MAML3: variants seen among roughly 807,000 people sequenced by gnomAD.
The protein encoded by MAML3 is mastermind like transcriptional coactivator 3, also known as mastermind-like protein 3.
A neutral mutation model predicts 101.9 loss-of-function variants in MAML3; 27 were observed. The ratio of observed to expected loss-of-function variants is 0.27; its 90% CI spans 0.20 to 0.37. The LOEUF is 0.37. Ranked by LOEUF, MAML3 falls within the 10% of genes least tolerant of loss-of-function variation. The pLI, the probability that MAML3 is intolerant of heterozygous loss-of-function variation, is 1.00. For missense variants in MAML3, 1,316 were observed against 1,444.9 expected (o/e 0.91, Z 1.45); for synonymous variants, 501 against 555.9 (o/e 0.90, Z 1.39).
intron 1 of MAML3, among the ~76,000 whole-genome samples, chr4:139,900,061 C>A (rs1207061106): frequency 1.7e-4 from 7 of 41,958 alleles, no homozygotes; most frequent in Admixed American, 6.1e-4. Flanking sequence ...ACCGCGGAGC[C>A]CCCAGCCCAG....
At chr4:139,767,310 G>C (rs1578590872) in intron 2 of MAML3, among the ~76,000 whole-genome samples, 1 of 152,166 alleles carries the variant, frequency 6.6e-6, no homozygotes, top group Non-Finnish European at 1.5e-5. Flanking sequence ...CAAATTGTGA[G>C]GGCCACATAC....
chr4:139,794,682 T>A (rs561120194), intron 2 of MAML3, among the ~76,000 whole-genome samples: 9 of 152,228 alleles, frequency 5.9e-5, no homozygotes, highest in Non-Finnish European at 1.2e-4. Flanking sequence ...ACTGGGAAAA[T>A]GCCAATCTCT....
rs77138455 is a variant in MAML3, at chr4:139,996,342, A to T, written c.469-105375T>A. Reference sequence around the variant, plus strand: ...CCCTGCTTTCTAGTTATCCTATCAAATAGTGAGAGTGGGGTATTGAAATCT... The same window carrying T: ...CCCTGCTTTCTAGTTATCCTATCAATTAGTGAGAGTGGGGTATTGAAATCT... On this transcript the variant is annotated intron_variant, in intron 1 of 4. Transcript: ENST00000509479. Among the ~76,000 whole-genome samples the T allele has an allele frequency of 2.6e-5, 4 of 152,186 alleles. No individual in the cohort carries two copies. The South Asian group carries it at 8.3e-4, about 31-fold the overall frequency.
intron 2 of MAML3, among the ~76,000 whole-genome samples, chr4:139,886,603 C>A (rs1384392841): frequency 6.6e-6 from 1 of 152,044 alleles, no homozygotes; most frequent in Non-Finnish European, 1.5e-5. Flanking sequence ...ATATTATGAG[C>A]ATTTCCATAT....
intron 1 of MAML3, among the ~76,000 whole-genome samples, chr4:139,973,779 G>A (rs1038933543): frequency 6.6e-6 from 1 of 152,128 alleles, no homozygotes; most frequent in Non-Finnish European, 1.5e-5. Context: ...TCTCTCCCTT[G>A]GAGACAAAGA....
At chr4:140,074,092 A>G (rs1300795431) in intron 1 of MAML3, among the ~76,000 whole-genome samples, 1 of 151,690 alleles carries the variant, frequency 6.6e-6, no homozygotes, top group African/African-American at 2.4e-5. Context: ...AGATTGTGCC[A>G]CTGCACTCCA....
intron 2 of MAML3, among the ~76,000 whole-genome samples, chr4:139,807,313 G>A (rs914874002): frequency 1.3e-5 from 2 of 152,016 alleles, no homozygotes; most frequent in Non-Finnish European, 2.9e-5. Context: ...GTATGTCTGA[G>A]TTTAGAACTC....
chr4:139,898,077 C>T (rs534638101), intron 1 of MAML3, among the ~76,000 whole-genome samples: 21 of 152,312 alleles, frequency 1.4e-4, no homozygotes, highest in African/African-American at 4.6e-4. Flanking sequence ...TCCTACAACT[C>T]CTGATGTTGG....
Position 139,802,660 on chromosome 4 carries a change from C to G in MAML3, c.2080-71993G>C, listed in dbSNP as rs151304948. Among the ~76,000 whole-genome samples the G allele has an allele frequency of 6.3e-3, 952 of 152,226 alleles. 41 individuals are homozygous for G. The highest frequency in any genetic ancestry group is 0.053 in the Admixed American group (812 of 15,302). On this transcript the variant is annotated intron_variant, in intron 2 of 4. Coordinates refer to ENST00000509479, the MANE Select transcript of MAML3 (RefSeq NM_018717.5). The stretch of plus-strand genomic sequence containing the variant: ...AGTGCCCCTGCAGTGGCACAGCCTT[C>G]CTGGTGAGGCTGCCTTGCAGCCTGT...
chr4:140,057,438 A>C (rs1024393300), intron 1 of MAML3, among the ~76,000 whole-genome samples: 2 of 152,194 alleles, frequency 1.3e-5, no homozygotes, highest in Non-Finnish European at 2.9e-5. Flanking sequence ...GGTCAGCAAA[A>C]GAATGTTCTA....
intron 1 of MAML3, among the ~76,000 whole-genome samples, chr4:139,932,862 G>A (rs986571737): frequency 6.6e-6 from 1 of 152,134 alleles, no homozygotes; most frequent in Admixed American, 6.6e-5. Context: ...TTTGTTCACA[G>A]CTGACTGAAC....
intron 1 of MAML3, among the ~76,000 whole-genome samples, chr4:140,021,127 C>A (rs1166843907): frequency 6.6e-6 from 1 of 152,074 alleles, no homozygotes; most frequent in Non-Finnish European, 1.5e-5. Context: ...TAGCTATAGC[C>A]ATATGAAATA....
Position 139,889,449 on chromosome 4 carries a change from G to T in MAML3, c.1987C>A (p.Leu663Met), listed in dbSNP as rs1732414910. The change falls in exon 2 of 5, where the codon CTG (leucine) becomes ATG (methionine). Residue 663 changes from leucine to methionine, a missense_variant. Physicochemically the swap from Leu to Met is conservative, Grantham distance 15. Coordinates refer to ENST00000509479, the MANE Select transcript of MAML3 (RefSeq NM_018717.5). ...AGCAGGCGTTTCTGGTCTTCGCTCA[G>T]GTGTGCCCTGGGGGCCTGGAGCTGT... ...PPQLQAPRAH[L>M]SEDQKRLLLM... 1 of 1,613,936 alleles carries T rather than the reference G, an allele frequency of 6.2e-7. No individual in the cohort carries two copies. Among genetic ancestry groups the T allele is most frequent in the East Asian group, 2.2e-5 (1 of 44,898 alleles).
intron 1 of MAML3, among the ~76,000 whole-genome samples, chr4:139,955,607 G>T (rs1487108092): frequency 6.6e-6 from 1 of 151,384 alleles, no homozygotes; most frequent in Non-Finnish European, 1.5e-5. Context: ...ATTTTATTAT[G>T]AAATGTGCTT....
rs1349842325 is a variant in MAML3, at chr4:139,943,933, C to CA, written c.469-52967dup. Among the ~76,000 whole-genome samples the CA allele has an allele frequency of 3.1e-5, 4 of 129,212 alleles. No individual in the cohort carries two copies. The East Asian group carries it at 7.6e-4, about 24-fold the overall frequency. The allele number at this position is 129,212 out of a possible 152,430, so 84.8% of individuals were successfully genotyped here. A position where few individuals can be genotyped will look rare whatever the true frequency, so the allele number is the denominator to read the frequency against. Reference sequence around the variant, plus strand: ...TCGCCCAGGCTGGAGTGCAGCGGTGCAATCTCAGCTCACTGCAACCTCCGC... The same window carrying CA: ...TCGCCCAGGCTGGAGTGCAGCGGTGCAAATCTCAGCTCACTGCAACCTCCGC... On this transcript the variant is annotated intron_variant, in intron 1 of 4. Transcript: ENST00000509479.
At chr4:139,726,019 G>A (rs967536639) in intron 3 of MAML3, among the ~76,000 whole-genome samples, 184 bp from the exon 4 acceptor site, 3 of 152,238 alleles carry the variant, frequency 2.0e-5, no homozygotes, top group Admixed American at 1.3e-4. Flanking sequence ...TTCACAAAAC[G>A]AACACACTCA....
At chr4:140,069,164 C>T (rs1727587657) in intron 1 of MAML3, among the ~76,000 whole-genome samples, 2 of 152,086 alleles carry the variant, frequency 1.3e-5, no homozygotes, top group Admixed American at 6.5e-5. Context: ...AAAATTTCAC[C>T]TTGATTATTG....
At chr4:139,892,340 G>A (rs955594869) in intron 1 of MAML3, among the ~76,000 whole-genome samples, 3 of 152,114 alleles carry the variant, frequency 2.0e-5, no homozygotes, top group Admixed American at 6.5e-5. Context: ...AGATACTTGA[G>A]CATTTTTCTT....
intron 1 of MAML3, among the ~76,000 whole-genome samples, chr4:139,970,275 G>T (rs1186496669): frequency 6.6e-6 from 1 of 152,174 alleles, no homozygotes; most frequent in African/African-American, 2.4e-5. Flanking sequence ...AAATTAGTTG[G>T]ATTTTGATAG....
Sources: allele counts gnomAD v4.1 joint callset (sites outside exome capture counted in the v4.1 genomes callset), GRCh38; gene constraint gnomAD v4.1.1; transcripts MANE v1.5; gene names NCBI Gene and HGNC (gene_info 2026-07-23, HGNC 2026-07-21).